LAMC1: variants seen among roughly 807,000 people sequenced by gnomAD.
LAMC1 encodes laminin subunit gamma-1.
In LAMC1, 38 loss-of-function variants were observed where a neutral mutation model predicts 173.6. The observed-to-expected ratio is 0.22, with a 90% CI of 0.17 to 0.29. The LOEUF (loss-of-function observed/expected upper bound fraction) is 0.29. Among genes scored for constraint, LAMC1 ranks in the 10% least tolerant of loss-of-function variants. The probability of loss-of-function intolerance (pLI) is 1.00; values close to 1 mark genes in which losing one functional copy is unlikely to be tolerated. For synonymous variants in LAMC1, 746 were observed against 749.1 expected (o/e 1.00, Z 0.07); for missense variants, 1,824 against 2,051.8 (o/e 0.89, Z 2.14).
At chr1:183,082,788 C>T (rs962238088) in intron 1 of LAMC1, among the ~76,000 whole-genome samples, 1 of 152,184 alleles carries the variant, frequency 6.6e-6, no homozygotes, top group East Asian at 1.9e-4. Flanking sequence ...TAGTGTCAAC[C>T]GTATGGCAAC....
chr1:183,081,676 G>T (rs1015554339), intron 1 of LAMC1, among the ~76,000 whole-genome samples: 1 of 151,958 alleles, frequency 6.6e-6, no homozygotes, highest in Non-Finnish European at 1.5e-5. Flanking sequence ...TTCCTTCCTG[G>T]ATCACCACAC....
chr1:183,117,954 G>T (rs978907742), intron 10 of LAMC1, 80 bp from the exon 11 acceptor site: 34 of 871,372 alleles, frequency 3.9e-5, no homozygotes, highest in Non-Finnish European at 4.5e-5. Flanking sequence ...CATTGTTGGG[G>T]CATAAATGAA....
chr1:183,105,377 A>T (rs2182019), intron 2 of LAMC1, among the ~76,000 whole-genome samples: 15,855 of 152,190 alleles, frequency 0.1, 1,019 homozygotes, highest in Admixed American at 0.2. Flanking sequence ...AAATTATTGC[A>T]TTTTCCTGTC....
At chr1:183,046,807 A>G (rs1654278454) in intron 1 of LAMC1, among the ~76,000 whole-genome samples, 1 of 152,078 alleles carries the variant, frequency 6.6e-6, no homozygotes. Context: ...TGTTGATTAG[A>G]ACAATATACA....
chr1:183,066,233 C>T lies in LAMC1; in HGVS notation c.419-37095C>T, dbSNP rs541293280. 5.3e-5 allele frequency among the ~76,000 whole-genome samples: 8 copies of T among 152,218 alleles called. No homozygotes were observed. The South Asian group carries it at 1.7e-3, about 32-fold the overall frequency. ...TTCTAAGAATGTTGTAATTGAACAA[C>T]TAAAAGAGACAATTGACATTATGCC... is the stretch of plus-strand genomic sequence containing the variant. On this transcript the variant is annotated intron_variant, in intron 1 of 27. Coordinates refer to ENST00000258341, the MANE Select transcript of LAMC1 (RefSeq NM_002293.4).
intron 4 of LAMC1, 66 bp downstream of exon 4, chr1:183,110,720 G>A (rs920307672): frequency 1.4e-6 from 2 of 1,458,038 alleles, no homozygotes; most frequent in African/African-American, 1.4e-5. Context: ...AGAAGGAATG[G>A]GTGACTTTCT....
rs1376688605 is a variant in LAMC1 at position 183,127,323 on chromosome 1, G to A, written c.3042G>A (p.Gln1014=). The change falls in exon 17 of 28, where the codon CAG becomes CAA. Residue 1014 remains glutamine (Q), a synonymous_variant. Transcript: ENST00000258341. Reference sequence around the variant, plus strand: ...GCTTTGTGGGAAATCGCTGTGACCAGTGTGAAGAAAACTATTTCTACAATC... The same window carrying A: ...GCTTTGTGGGAAATCGCTGTGACCAATGTGAAGAAAACTATTTCTACAATC... ...REGFVGNRCD[Q]CEENYFYNRS... The A allele has an allele frequency of 1.2e-6, 2 of 1,614,182 alleles. No individual in the cohort carries two copies. The highest frequency in any genetic ancestry group is 1.7e-6 in the Non-Finnish European group (2 of 1,180,018).
chr1:183,051,474 C>G (rs937893770), intron 1 of LAMC1, among the ~76,000 whole-genome samples: 2 of 152,220 alleles, frequency 1.3e-5, no homozygotes, highest in Non-Finnish European at 2.9e-5. Context: ...GTGTGGAGTA[C>G]ACGAATCATC....
rs1450703617 is a variant in LAMC1, at chr1:183,140,463, T to C, written c.4533T>C (p.Thr1511=). 3 of 1,613,706 alleles carry C rather than the reference T, an allele frequency of 1.9e-6. No homozygotes were observed. Among genetic ancestry groups the C allele is most frequent in the East Asian group, 2.2e-5 (1 of 44,854 alleles). The change falls in exon 27 of 28, where the codon ACT becomes ACC. Residue 1511 remains threonine (T), a synonymous_variant. Transcript: ENST00000258341. ...CCAGAAAAGCCAAAAACTCTGTTACTAGCCTCCTCAGCATTATTAATGACC... is the reference window on the plus strand; with the variant it reads ...CCAGAAAAGCCAAAAACTCTGTTACCAGCCTCCTCAGCATTATTAATGACC... The part of the protein sequence containing the change: ...INARKAKNSV[T]SLLSIINDLL...
chr1:183,065,641 G>A (rs568275309), intron 1 of LAMC1, among the ~76,000 whole-genome samples: 9 of 152,288 alleles, frequency 5.9e-5, no homozygotes, highest in African/African-American at 9.6e-5. Context: ...GCTGGATACC[G>A]TAGCCTAGCC....
chr1:183,129,645 T>G (rs769652646), intron 18 of LAMC1, among the ~76,000 whole-genome samples: 6 of 152,164 alleles, frequency 3.9e-5, no homozygotes, highest in African/African-American at 4.8e-5. Flanking sequence ...GTCAATTTAC[T>G]TAATGGTTTT....
chr1:183,040,715 T>TTGACAGAGGCTGCTAGAGC (rs1252629505), intron 1 of LAMC1, among the ~76,000 whole-genome samples: 2 of 152,198 alleles, frequency 1.3e-5, no homozygotes, highest in Non-Finnish European at 2.9e-5. Flanking sequence ...TAGGTGGGAC[T>TTGACAGAGGCTGCTAGAGC]TGACAGAGGC....
intron 26 of LAMC1, chr1:183,138,560 C>T (rs1254472316): frequency 6.6e-6 from 1 of 152,148 alleles, no homozygotes; most frequent in Non-Finnish European, 1.5e-5. Flanking sequence ...AACATAGTCC[C>T]TCAGTGTGGG....
In LAMC1 at chr1:183,118,109, G is replaced by T; in HGVS notation, c.1953G>T (p.Leu651Phe). Reference protein sequence around the residue: ...PFEFQKLLNNLTSIKIRGTYS... With the variant: ...PFEFQKLLNNFTSIKIRGTYS... ...AATTTCAGAAGCTCCTAAACAACTT[G>T]ACCTCTATCAAGATACGTGGGACAT... Residue 651 changes from leucine (L) to phenylalanine (F), a missense_variant, in exon 11 of 28, where the codon TTG becomes TTT. By Grantham distance (22) the Leu-to-Phe change is conservative. Coordinates refer to ENST00000258341, the MANE Select transcript of LAMC1 (RefSeq NM_002293.4). The T allele has an allele frequency of 6.2e-7, 1 of 1,611,494 alleles. No homozygotes were observed. The highest frequency in any genetic ancestry group is 1.1e-5 in the South Asian group (1 of 90,984).
At chr1:183,109,917 A>G (rs1383438995) in intron 3 of LAMC1, among the ~76,000 whole-genome samples, 1 of 152,202 alleles carries the variant, frequency 6.6e-6, no homozygotes, top group Non-Finnish European at 1.5e-5. Flanking sequence ...GGGGTGAGGT[A>G]TCTAATGTGT....
chr1:183,134,748 A>G lies in LAMC1; in HGVS notation c.3938A>G (p.Asp1313Gly). ...KLKDYEDLRE[D>G]MRGKELEVKN... ...AAAGATTATGAGGACCTCAGAGAAG[A>G]TATGAGAGGGAAGGAACTTGAAGTC... is the stretch of plus-strand genomic sequence containing the variant. Residue 1313 changes from aspartate (D) to glycine (G), a missense_variant, in exon 23 of 28, where the codon GAT becomes GGT. Transcript: ENST00000258341. 2 of 1,613,490 alleles carry G rather than the reference A, an allele frequency of 1.2e-6. No homozygotes were observed. The highest frequency in any genetic ancestry group is 1.7e-6 in the Non-Finnish European group (2 of 1,179,450).
At chr1:183,036,969 T>C (rs1654001315) in intron 1 of LAMC1, among the ~76,000 whole-genome samples, 1 of 151,878 alleles carries the variant, frequency 6.6e-6, no homozygotes, top group Admixed American at 6.6e-5. Context: ...AGAGATGGGG[T>C]TTTGCCATGT....
At chr1:183,122,285 C>T in intron 13 of LAMC1, 34 bp downstream of exon 13, 1 of 1,598,656 alleles carries the variant, frequency 6.3e-7, no homozygotes, top group East Asian at 2.2e-5. Context: ...TTTCAGTGTT[C>T]CCTTCTATAA....
intron 1 of LAMC1, among the ~76,000 whole-genome samples, chr1:183,060,032 G>A (rs1307133694): frequency 6.6e-6 from 1 of 152,104 alleles, no homozygotes; most frequent in Non-Finnish European, 1.5e-5. Flanking sequence ...GAAACGTGAG[G>A]ATTGTGATAG....
Sources: allele counts gnomAD v4.1 joint callset (sites outside exome capture counted in the v4.1 genomes callset), GRCh38; gene constraint gnomAD v4.1.1; transcripts MANE v1.5; gene names NCBI Gene and HGNC (gene_info 2026-07-23, HGNC 2026-07-21).